SCML4: variants seen among roughly 807,000 people sequenced by gnomAD.
SCML4 encodes sex comb on midleg-like protein 4.
SCML4 carries 34 observed loss-of-function variants against 41.1 expected under a neutral mutation model. The ratio of observed to expected loss-of-function variants is 0.83; its 90% CI spans 0.63 to 1.10. The LOEUF is 1.10. Ranked by LOEUF, SCML4 falls within the 50% of genes least tolerant of loss-of-function variation. The pLI, the probability that SCML4 is intolerant of heterozygous loss-of-function variation, is 0.00. For synonymous variants in SCML4, 214 were observed against 220.9 expected, an observed-to-expected ratio of 0.97 and a Z score of 0.28; for missense variants, 522 against 534.1, an observed-to-expected ratio of 0.98 and a Z score of 0.22.
chr6:107,741,448 G>A (rs1432381742), intron 5 of SCML4, among the ~76,000 whole-genome samples: 2 of 152,230 alleles, frequency 1.3e-5, no homozygotes, highest in Non-Finnish European at 2.9e-5. Flanking sequence ...TTAATCCATA[G>A]GAAGCATTGA....
At chr6:107,814,294 G>A (rs1462857370) in intron 1 of SCML4, among the ~76,000 whole-genome samples, 1 of 152,214 alleles carries the variant, frequency 6.6e-6, no homozygotes, top group Admixed American at 6.5e-5. Flanking sequence ...CAAGTGGCAG[G>A]TCAGACTGGA....
intron 5 of SCML4, among the ~76,000 whole-genome samples, chr6:107,741,221 A>C (rs1777572333): frequency 6.6e-6 from 1 of 152,200 alleles, no homozygotes; most frequent in Admixed American, 6.5e-5. Context: ...TATGAAGAGG[A>C]GACAGTGCCT....
chr6:107,714,897 A>G (rs978966016), intron 6 of SCML4, among the ~76,000 whole-genome samples: 2 of 150,782 alleles, frequency 1.3e-5, no homozygotes, highest in East Asian at 3.9e-4. Flanking sequence ...TACAGTTACT[A>G]CAGAGCAAAG....
upstream of SCML4, among the ~76,000 whole-genome samples, chr6:107,825,176 C>T (rs369531920): frequency 2.1e-4 from 32 of 152,336 alleles, no homozygotes; most frequent in Admixed American, 5.2e-4. Flanking sequence ...GAGCAGGGCT[C>T]CCCATTGCCC....
At chr6:107,835,900 G>A in the SCML4 span, among the ~76,000 whole-genome samples, 1 of 152,124 alleles carries the variant, frequency 6.6e-6, no homozygotes, top group Non-Finnish European at 1.5e-5. Context: ...GGAGATGTAT[G>A]TATGGCAGGT....
chr6:107,714,101 G>A (rs964065867), intron 6 of SCML4, among the ~76,000 whole-genome samples: 1 of 152,150 alleles, frequency 6.6e-6, no homozygotes, highest in Non-Finnish European at 1.5e-5. Flanking sequence ...GCCATGTGGT[G>A]AGAGAGATGA....
chr6:107,713,771 G>A (rs1321253902), intron 6 of SCML4, among the ~76,000 whole-genome samples: 4 of 152,164 alleles, frequency 2.6e-5, no homozygotes, highest in Non-Finnish European at 1.5e-5. Context: ...GAGGACCGGG[G>A]CTGGCAAGGG....
intron 2 of SCML4, among the ~76,000 whole-genome samples, chr6:107,768,315 G>T (rs1384887448): frequency 2.0e-5 from 3 of 152,096 alleles, no homozygotes; most frequent in Non-Finnish European, 2.9e-5. Context: ...ACATGAGAAA[G>T]AAATTAGCTT....
intron 1 of SCML4, among the ~76,000 whole-genome samples, chr6:107,800,755 T>C (rs569186622): frequency 3.3e-4 from 50 of 152,350 alleles, no homozygotes; most frequent in Middle Eastern, 6.8e-3. Flanking sequence ...TGTTAGGTCC[T>C]GTCAATAGAG....
rs1365984141 is a variant in SCML4 at position 107,715,166 on chromosome 6, G to T, written c.973+5537C>A. Among the ~76,000 whole-genome samples the T allele has an allele frequency of 6.0e-4, 82 of 137,600 alleles. 2 individuals are homozygous for T. In the South Asian group the frequency reaches 0.02, roughly 33 times the overall value. The allele number at this position is 137,600 out of a possible 152,430, so 90.3% of individuals were successfully genotyped here. The stretch of plus-strand genomic sequence containing the variant: ...ATTTTTGTATTTTTAGTAGGGACGG[G>T]GTTTCACCATATTGACTGGGCTGGT... On this transcript the variant is annotated intron_variant, in intron 6 of 7. Coordinates refer to ENST00000369020, the MANE Select transcript of SCML4 (RefSeq NM_198081.5).
chr6:107,729,134 A>G (rs1019564369), intron 5 of SCML4, among the ~76,000 whole-genome samples: 2 of 152,208 alleles, frequency 1.3e-5, no homozygotes, highest in Non-Finnish European at 2.9e-5. Flanking sequence ...ACATGGGTAT[A>G]TTCATTTCCT....
intron 6 of SCML4, among the ~76,000 whole-genome samples, chr6:107,716,403 CTT>C (rs1272670197): frequency 3.9e-5 from 6 of 152,122 alleles, no homozygotes; most frequent in Non-Finnish European, 7.4e-5. Context: ...TTTTCTTTAT[CTT>C]TAAATCAAAT....
At chr6:107,835,812 G>C in the SCML4 span, among the ~76,000 whole-genome samples, 488 of 146,882 alleles carry the variant, frequency 3.3e-3, 2 homozygotes, top group Middle Eastern at 7.2e-3. Context: ...CAAATTATTA[G>C]AAGGATAGAA....
chr6:107,838,923 A>C, the SCML4 span, among the ~76,000 whole-genome samples: 1 of 151,074 alleles, frequency 6.6e-6, no homozygotes, highest in Non-Finnish European at 1.5e-5. Context: ...AAGCCCTCTT[A>C]ACTCTTCCAA....
chr6:107,734,776 C>G (rs2049664), intron 5 of SCML4, among the ~76,000 whole-genome samples: 116,757 of 152,128 alleles, frequency 0.77, 45,177 homozygotes, highest in Admixed American at 0.83. Flanking sequence ...AGGGTTCTAG[C>G]TTGGCCTCTA....
At chr6:107,843,590 ATCT>A in the SCML4 span, among the ~76,000 whole-genome samples, 2 of 152,132 alleles carry the variant, frequency 1.3e-5, no homozygotes, top group African/African-American at 4.8e-5. Context: ...ACCCACCCAC[ATCT>A]TCATCAACCT....
chr6:107,770,534 G>A (rs1780431551), intron 2 of SCML4, among the ~76,000 whole-genome samples: 1 of 152,156 alleles, frequency 6.6e-6, no homozygotes, highest in Admixed American at 6.5e-5. Context: ...CAAGGAAGAG[G>A]AGTGGCCTAC....
chr6:107,712,083 G>A (rs1002187165), intron 6 of SCML4, among the ~76,000 whole-genome samples: 4 of 152,016 alleles, frequency 2.6e-5, no homozygotes, highest in South Asian at 4.2e-4. Flanking sequence ...TCTGAATGCC[G>A]ATCCACACTT....
intron 2 of SCML4, among the ~76,000 whole-genome samples, chr6:107,762,883 T>G (rs1435221108): frequency 1.4e-5 from 2 of 140,204 alleles, no homozygotes; most frequent in Non-Finnish European, 3.1e-5. Context: ...ACTCTTTTTT[T>G]TTTTTTTTTT....
Sources: allele counts gnomAD v4.1 joint callset (sites outside exome capture counted in the v4.1 genomes callset), GRCh38; gene constraint gnomAD v4.1.1; transcripts MANE v1.5; gene names NCBI Gene and HGNC (gene_info 2026-07-23, HGNC 2026-07-21).